FOXP1: variants seen among roughly 807,000 people sequenced by gnomAD.
FOXP1 encodes forkhead box protein P1.
FOXP1 carries 15 observed loss-of-function variants against 98.2 expected under a neutral mutation model. The observed-to-expected ratio is 0.15, with a 90% CI of 0.10 to 0.24. FOXP1 has a LOEUF of 0.24. Among genes scored for constraint, FOXP1 ranks in the 10% least tolerant of loss-of-function variants. The pLI, the probability that FOXP1 is intolerant of heterozygous loss-of-function variation, is 1.00. For synonymous variants in FOXP1, 371 were observed against 314.5 expected, an observed-to-expected ratio of 1.18 and a Z score of -1.90; for missense variants, 633 against 848.5, an observed-to-expected ratio of 0.75 and a Z score of 3.15.
chr3:71,142,693 C>G (rs1040697059), intron 6 of FOXP1, among the ~76,000 whole-genome samples: 4 of 152,178 alleles, frequency 2.6e-5, no homozygotes, highest in African/African-American at 9.7e-5. Context: ...GATTCTTTCC[C>G]GGAGCCTCTT....
Position 71,396,982 on chromosome 3 carries a change from GTGTATATATATACACATATA to G in FOXP1, c.-167-37758_-167-37739del, listed in dbSNP as rs1577296906. 9.4e-5 allele frequency among the ~76,000 whole-genome samples: 4 copies of G among 42,742 alleles called. No individual in the cohort carries two copies. The East Asian group carries it at 1.0e-3, about 11-fold the overall frequency. The allele number at this position is 42,742 out of a possible 152,430, so 28.0% of individuals were successfully genotyped here. On this transcript the variant is annotated intron_variant, in intron 3 of 20. Coordinates refer to ENST00000649528, the MANE Select transcript of FOXP1 (RefSeq NM_001349338.3). The stretch of plus-strand genomic sequence containing the variant: ...TATATATGTGTGTATATATATATAT[GTGTATATATATACACATATA>G]TATGTGTATATATATATATATACAT...
chr3:71,089,192 A>C (rs1004223980), intron 7 of FOXP1, among the ~76,000 whole-genome samples: 1 of 152,190 alleles, frequency 6.6e-6, no homozygotes, highest in Non-Finnish European at 1.5e-5. Flanking sequence ...TCTGTGACCA[A>C]TAAATATGGC....
chr3:70,959,354 C>T lies in FOXP1; in HGVS notation c.1927G>A (p.Glu643Lys). ...AAGGACAGGGGCCCTTCAGCTTCCT[C>T]TGGATCGAGGGGCTCTTCTTTGACG... Reference protein sequence around the residue: ...VHVKEEPLDPEEAEGPLSLVT... With the variant: ...VHVKEEPLDPKEAEGPLSLVT... Residue 643 changes from glutamate (E) to lysine (K), a missense_variant, in exon 21 of 21, where the codon GAG becomes AAG. Physicochemically the swap from Glu to Lys is moderately conservative, Grantham distance 56. Coordinates refer to ENST00000649528, the MANE Select transcript of FOXP1 (RefSeq NM_001349338.3). 1 of 1,614,104 alleles carries T rather than the reference C, an allele frequency of 6.2e-7. No individual in the cohort carries two copies. Among genetic ancestry groups the T allele is most frequent in the Non-Finnish European group, 8.5e-7 (1 of 1,180,022 alleles).
At chr3:71,580,598 C>T (rs2048088308) in intron 2 of FOXP1, among the ~76,000 whole-genome samples, 1 of 151,902 alleles carries the variant, frequency 6.6e-6, no homozygotes, top group African/African-American at 2.4e-5. Flanking sequence ...GTAGAAAACA[C>T]CTGAAGTCTT....
At chr3:71,392,670 C>A (rs1314183609) in intron 3 of FOXP1, among the ~76,000 whole-genome samples, 1 of 152,174 alleles carries the variant, frequency 6.6e-6, no homozygotes, top group African/African-American at 2.4e-5. Flanking sequence ...GCATCTATAT[C>A]GTGCTCTTCC....
chr3:71,332,381 C>G (rs914462282), intron 4 of FOXP1: 4 of 160,876 alleles, frequency 2.5e-5, no homozygotes, highest in Admixed American at 6.5e-5. Flanking sequence ...AAAGAAGAAA[C>G]TCCGGACATG....
chr3:71,197,885 C>T, intron 6 of FOXP1: 1 of 1,614,152 alleles, frequency 6.2e-7, no homozygotes, highest in Non-Finnish European at 8.5e-7. Context: ...GGAACCATTT[C>T]TCCAAAGAAT....
chr3:71,336,727 T>G (rs1192183870), intron 4 of FOXP1, among the ~76,000 whole-genome samples: 1 of 152,156 alleles, frequency 6.6e-6, no homozygotes, highest in Non-Finnish European at 1.5e-5. Context: ...ATCTAGGCAG[T>G]AAGGATTAAT....
intron 14 of FOXP1, among the ~76,000 whole-genome samples, chr3:70,984,133 T>C (rs1416609050): frequency 2.6e-5 from 4 of 152,240 alleles, no homozygotes; most frequent in East Asian, 1.9e-4. Context: ...CGGCTCTATG[T>C]ACCTGAGAGC....
rs989598118 is a variant in FOXP1, at chr3:70,955,502, C to T, written c.*3745G>A. 2.6e-5 allele frequency: 6 copies of T among 232,642 alleles called. No homozygotes were observed. Among genetic ancestry groups the T allele is most frequent in the African/African-American group, 1.1e-4 (5 of 45,194 alleles). The allele number at this position is 232,642 out of a possible 1,614,324, so 14.4% of individuals were successfully genotyped here. ...TTTGTCTGACACACGGGACTACCTC[C>T]CTAATGTATGCTTTTCTTTGAGAAA... On this transcript the variant is annotated 3_prime_UTR_variant, in exon 21 of 21. Transcript: ENST00000649528.
intron 6 of FOXP1, among the ~76,000 whole-genome samples, chr3:71,194,873 A>T (rs1453737029): frequency 6.6e-6 from 1 of 152,224 alleles, no homozygotes; most frequent in Admixed American, 6.5e-5. Context: ...AGTCTTGAGG[A>T]AGAAAGACAG....
At chr3:71,100,185 C>A (rs573292432) in intron 7 of FOXP1, among the ~76,000 whole-genome samples, 1 of 152,304 alleles carries the variant, frequency 6.6e-6, no homozygotes, top group South Asian at 2.1e-4. Flanking sequence ...CTCTTCAGAG[C>A]CCATCTCAGA....
At chr3:70,981,829 G>C (rs2038920147) in intron 14 of FOXP1, among the ~76,000 whole-genome samples, 1 of 152,146 alleles carries the variant, frequency 6.6e-6, no homozygotes, top group Non-Finnish European at 1.5e-5. Context: ...TGTTCTAATT[G>C]CTAATTTGCC....
chr3:71,334,933 A>C (rs925246355), intron 4 of FOXP1: 6 of 152,182 alleles, frequency 3.9e-5, no homozygotes, highest in African/African-American at 1.4e-4. Context: ...ATAAATGGCT[A>C]AATGTCCTGA....
At chr3:71,468,461 G>A (rs977257167) in intron 3 of FOXP1, among the ~76,000 whole-genome samples, 5 of 152,088 alleles carry the variant, frequency 3.3e-5, no homozygotes, top group African/African-American at 7.2e-5. Flanking sequence ...CCTGCTCTTC[G>A]ACACGTGATA....
At chr3:71,519,810 T>C (rs1431840175) in intron 2 of FOXP1, among the ~76,000 whole-genome samples, 1 of 152,242 alleles carries the variant, frequency 6.6e-6, no homozygotes, top group East Asian at 1.9e-4. Context: ...ATAAAGGTGC[T>C]AACCAGCTGC....
intron 5 of FOXP1, among the ~76,000 whole-genome samples, chr3:71,211,157 CT>C (rs1309803171): frequency 6.6e-6 from 1 of 152,150 alleles, no homozygotes; most frequent in East Asian, 1.9e-4. Flanking sequence ...CTTCTTTCCT[CT>C]TCCCCAGCAG....
At chr3:71,064,295 A>G (rs867584196) in intron 7 of FOXP1, among the ~76,000 whole-genome samples, 1 of 152,278 alleles carries the variant, frequency 6.6e-6, no homozygotes, top group Non-Finnish European at 1.5e-5. Context: ...AGAAACATCC[A>G]CATGGGTTAC....
rs528682594 is a variant in FOXP1, at chr3:70,981,395, TG to T, written c.1147-3367del. Among the ~76,000 whole-genome samples the T allele has an allele frequency of 4.4e-3, 674 of 152,244 alleles. 1 individual carries two copies. The highest frequency in any genetic ancestry group is 7.2e-3 in the Non-Finnish European group (491 of 68,012). ...TGACACCGTGATTCACACCCACTGCTGGGCTGTCTCTAATAAGCCACAGAGG... is the reference window on the plus strand; with the variant it reads ...TGACACCGTGATTCACACCCACTGCTGGCTGTCTCTAATAAGCCACAGAGG... On this transcript the variant is annotated intron_variant, in intron 14 of 20. Coordinates refer to ENST00000649528, the MANE Select transcript of FOXP1 (RefSeq NM_001349338.3).
Sources: gnomAD v4.1 joint callset for allele counts (sites outside exome capture counted in the v4.1 genomes callset) on GRCh38, gnomAD v4.1.1 for gene constraint, MANE v1.5 for transcripts, NCBI Gene and HGNC (gene_info 2026-07-23, HGNC 2026-07-21) for gene names.